The following AFG2A variants were observed in gnomAD, a reference collection of about 807,000 sequenced individuals.
AFG2A encodes the protein ATPase family gene 2 protein homolog A.
the AFG2A span, chr4:122,979,128 A>T: frequency 7.4e-7 from 1 of 1,360,482 alleles, no homozygotes; most frequent in Non-Finnish European, 9.9e-7. Context: ...CACTGCAGCC[A>T]GTGTCTTCAC....
chr4:123,019,688 G>C, the AFG2A span, among the ~76,000 whole-genome samples: 1 of 152,216 alleles, frequency 6.6e-6, no homozygotes, highest in African/African-American at 2.4e-5. Flanking sequence ...ATTAATTTGT[G>C]TAAAGACAGA....
At chr4:122,929,052 TG>T in the AFG2A span, 4 of 1,613,808 alleles carry the variant, frequency 2.5e-6, no homozygotes, top group Non-Finnish European at 3.4e-6. Flanking sequence ...GTATACAGCC[TG>T]GCCTATGGCA....
chr4:123,222,023 T>A, the AFG2A span, among the ~76,000 whole-genome samples: 1 of 152,210 alleles, frequency 6.6e-6, no homozygotes, highest in Admixed American at 6.5e-5. Flanking sequence ...TCCGTTTAAA[T>A]GGATTATGAT....
chr4:123,112,122 A>T, the AFG2A span, among the ~76,000 whole-genome samples: 2 of 152,186 alleles, frequency 1.3e-5, no homozygotes, highest in East Asian at 3.9e-4. Context: ...GACTGAATGA[A>T]TGCATACATT....
At chr4:122,966,065 G>C in the AFG2A span, among the ~76,000 whole-genome samples, 8 of 152,194 alleles carry the variant, frequency 5.3e-5, no homozygotes, top group African/African-American at 1.9e-4. Flanking sequence ...ATAGCTCCAA[G>C]GATCTTTAAT....
the AFG2A span, among the ~76,000 whole-genome samples, chr4:123,097,451 G>A: frequency 6.6e-6 from 1 of 151,908 alleles, no homozygotes; most frequent in East Asian, 1.9e-4. Flanking sequence ...AGGAATGGAT[G>A]CCTATTAATC....
the AFG2A span, among the ~76,000 whole-genome samples, chr4:123,204,621 A>G: frequency 6.6e-6 from 1 of 152,146 alleles, no homozygotes. Context: ...CTTGTTTTTA[A>G]TTCTCTTAAC....
At chr4:123,135,741 T>G in the AFG2A span, among the ~76,000 whole-genome samples, 1 of 152,228 alleles carries the variant, frequency 6.6e-6, no homozygotes. Flanking sequence ...ATGCAAATAC[T>G]ATGCCATTTT....
At chr4:123,194,935 G>A in the AFG2A span, among the ~76,000 whole-genome samples, 2 of 152,174 alleles carry the variant, frequency 1.3e-5, no homozygotes, top group South Asian at 4.2e-4. Context: ...TTCCTAAATA[G>A]CAAATAAAGA....
the AFG2A span, chr4:122,935,639 T>C: frequency 3.4e-6 from 5 of 1,457,108 alleles, no homozygotes; most frequent in South Asian, 3.2e-5. Context: ...TTATAACTCA[T>C]GTTTGAACTT....
the AFG2A span, among the ~76,000 whole-genome samples, chr4:123,130,160 A>T: frequency 1.4e-5 from 2 of 141,618 alleles, no homozygotes; most frequent in Non-Finnish European, 3.1e-5. Flanking sequence ...GGTGCAGGCC[A>T]CAGTTCCCAG....
the AFG2A span, among the ~76,000 whole-genome samples, chr4:123,004,424 C>T: frequency 7.9e-5 from 12 of 152,166 alleles, no homozygotes; most frequent in African/African-American, 2.7e-4. Flanking sequence ...AGCTGTAGAC[C>T]GGAGCTGTTC....
chr4:123,105,358 T>G, the AFG2A span, among the ~76,000 whole-genome samples: 1 of 152,210 alleles, frequency 6.6e-6, no homozygotes, highest in East Asian at 1.9e-4. Flanking sequence ...TCATTGACAA[T>G]GCACATGGTT....
the AFG2A span, among the ~76,000 whole-genome samples, chr4:123,245,357 C>G: frequency 6.6e-6 from 1 of 152,152 alleles, no homozygotes; most frequent in Non-Finnish European, 1.5e-5. Context: ...CCTATTCTAT[C>G]TTATGGAGAC....
At chr4:123,194,559 GCAAAT>G in the AFG2A span, among the ~76,000 whole-genome samples, 1 of 152,104 alleles carries the variant, frequency 6.6e-6, no homozygotes, top group South Asian at 2.1e-4. Flanking sequence ...GTGAGGAAAA[GCAAAT>G]CTGTCTTAAT....
At chr4:123,183,157 G>C in the AFG2A span, among the ~76,000 whole-genome samples, 1 of 152,112 alleles carries the variant, frequency 6.6e-6, no homozygotes, top group Non-Finnish European at 1.5e-5. Flanking sequence ...TTTAGAGTAA[G>C]ACAGATGTGA....
chr4:122,940,761 T>G, the AFG2A span, among the ~76,000 whole-genome samples: 3 of 151,770 alleles, frequency 2.0e-5, no homozygotes, highest in East Asian at 5.8e-4. Flanking sequence ...TTTTTATGGT[T>G]TTAGGTCTAA....
chr4:123,309,095 T>C, the AFG2A span, among the ~76,000 whole-genome samples: 1 of 152,226 alleles, frequency 6.6e-6, no homozygotes, highest in African/African-American at 2.4e-5. Context: ...ATTGAGTTGT[T>C]TGGTATCTCC....
chr4:122,997,105 T>G, the AFG2A span, among the ~76,000 whole-genome samples: 1 of 152,208 alleles, frequency 6.6e-6, no homozygotes, highest in Non-Finnish European at 1.5e-5. Flanking sequence ...TTCAGTCAAG[T>G]TGACACCTAA....
Sources: gnomAD v4.1 joint callset for allele counts (sites outside exome capture counted in the v4.1 genomes callset) on GRCh38, gnomAD v4.1.1 for gene constraint, MANE v1.5 for transcripts, NCBI Gene and HGNC (gene_info 2026-07-23, HGNC 2026-07-21) for gene names.